The following NME7 variants were observed in gnomAD, a reference collection of about 807,000 sequenced individuals.
NME7 encodes the protein nucleoside diphosphate kinase 7.
In NME7, 41 loss-of-function variants were observed where a neutral mutation model predicts 49.1. That is an observed-to-expected ratio of 0.83 (90% confidence interval 0.65 to 1.08). The LOEUF is 1.08. Among genes scored for constraint, NME7 ranks in the 50% least tolerant of loss-of-function variants. The pLI, the probability that NME7 is intolerant of heterozygous loss-of-function variation, is 0.00. For synonymous variants in NME7, 139 were observed against 150.6 expected (o/e 0.92, Z 0.56); for missense variants, 423 against 463.4 (o/e 0.91, Z 0.80).
At chr1:169,147,053 G>A (rs1658776961) in intron 11 of NME7, among the ~76,000 whole-genome samples, 1 of 152,182 alleles carries the variant, frequency 6.6e-6, no homozygotes, top group Admixed American at 6.5e-5. Context: ...AGGGGCACGT[G>A]ACCTTCTCTC....
intron 10 of NME7, among the ~76,000 whole-genome samples, chr1:169,213,677 A>C (rs1660893474): frequency 6.6e-6 from 1 of 151,970 alleles, no homozygotes; most frequent in Non-Finnish European, 1.5e-5. Flanking sequence ...GAACTGAAAA[A>C]TTTTCCTGGT....
chr1:169,250,048 G>T (rs927485492), intron 7 of NME7, among the ~76,000 whole-genome samples: 1 of 151,996 alleles, frequency 6.6e-6, no homozygotes, highest in African/African-American at 2.4e-5. Context: ...AGTAGGATTG[G>T]TCCCAGTTCT....
At chr1:169,348,116 A>G (rs1043740293) in intron 1 of NME7, among the ~76,000 whole-genome samples, 1 of 152,210 alleles carries the variant, frequency 6.6e-6, no homozygotes, top group African/African-American at 2.4e-5. Context: ...TACAGACTTA[A>G]GTGGCTGTAA....
chr1:169,180,232 C>T (rs1659885957), intron 10 of NME7, among the ~76,000 whole-genome samples: 1 of 152,136 alleles, frequency 6.6e-6, no homozygotes, highest in South Asian at 2.1e-4. Flanking sequence ...AAACTGGAGG[C>T]ATTTAGTAGA....
chr1:169,232,695 C>A (rs12126266), intron 9 of NME7, among the ~76,000 whole-genome samples: 2 of 151,200 alleles, frequency 1.3e-5, no homozygotes, highest in African/African-American at 4.9e-5. Flanking sequence ...AAAAGGAAGA[C>A]GTTTTAAGAC....
chr1:169,300,001 T>C (rs1650878717), intron 5 of NME7, among the ~76,000 whole-genome samples: 1 of 152,098 alleles, frequency 6.6e-6, no homozygotes, highest in Non-Finnish European at 1.5e-5. Flanking sequence ...AACGCCCTAT[T>C]AATACAAAAT....
Position 169,310,012 on chromosome 1 carries a change from G to A in NME7, c.347C>T (p.Ala116Val), listed in dbSNP as rs773613662. The change falls in exon 4 of 12, where the codon GCT becomes GTT. Residue 116 changes from alanine to valine, a missense_variant. Physicochemically the swap from Ala to Val is moderately conservative, Grantham distance 64. Transcript: ENST00000367811. ...TTTGAGTTTGGTTATAGTAAATCCA[G>A]CTTTGTTTATTATTTCAATTATTTC... ...AGEIIEIINK[A>V]GFTITKLKMM... 5 of 1,606,020 alleles carry A rather than the reference G, an allele frequency of 3.1e-6. No homozygotes were observed. Among genetic ancestry groups the A allele is most frequent in the South Asian group, 2.2e-5 (2 of 89,744 alleles).
chr1:169,303,023 C>G, intron 5 of NME7, 122 bp downstream of exon 5: 1 of 572,710 alleles, frequency 1.7e-6, no homozygotes, highest in Non-Finnish European at 3.1e-6. Flanking sequence ...TGTGCAGTTG[C>G]AAGATGTTGC....
chr1:169,149,653 T>C (rs1052521469), intron 11 of NME7, among the ~76,000 whole-genome samples: 1 of 152,246 alleles, frequency 6.6e-6, no homozygotes. Context: ...ATTACAGTTA[T>C]GTTGTGAATG....
intron 10 of NME7, among the ~76,000 whole-genome samples, chr1:169,210,159 A>G (rs1454921681): frequency 2.0e-5 from 3 of 152,170 alleles, no homozygotes; most frequent in Non-Finnish European, 4.4e-5. Context: ...TCAATCTAAC[A>G]AAAATGGAGG....
intron 1 of NME7, among the ~76,000 whole-genome samples, chr1:169,335,791 TATATATATATAC>T (rs1652441474): frequency 1.4e-5 from 2 of 147,622 alleles, no homozygotes; most frequent in East Asian, 3.9e-4. Context: ...TCAGAAGAGA[TATATATATATAC>T]ATATATATAG....
At chr1:169,279,512 C>T (rs1324482404) in intron 7 of NME7, among the ~76,000 whole-genome samples, 4 of 152,234 alleles carry the variant, frequency 2.6e-5, no homozygotes, top group Non-Finnish European at 4.4e-5. Flanking sequence ...ATATGACCTT[C>T]TGGTGCGCCA....
intron 1 of NME7, among the ~76,000 whole-genome samples, chr1:169,338,020 C>T (rs1054268323): frequency 2.0e-5 from 3 of 152,130 alleles, no homozygotes; most frequent in African/African-American, 7.2e-5. Context: ...TAAAAAGGGT[C>T]TTCACGTGTG....
chr1:169,170,209 T>C (rs147150536), intron 10 of NME7, among the ~76,000 whole-genome samples: 64 of 152,234 alleles, frequency 4.2e-4, no homozygotes, highest in African/African-American at 1.4e-3. Context: ...GAGGGGGCTA[T>C]AGTGATTGAT....
At chr1:169,149,153 T>A (rs148129551) in intron 11 of NME7, among the ~76,000 whole-genome samples, 2,602 of 152,236 alleles carry the variant, frequency 0.017, 70 homozygotes, top group African/African-American at 0.057. Flanking sequence ...CCAGCCTGGC[T>A]AACATGGTGA....
At chr1:169,336,932 G>A (rs530828572) in intron 1 of NME7, among the ~76,000 whole-genome samples, 4 of 152,270 alleles carry the variant, frequency 2.6e-5, no homozygotes, top group South Asian at 4.1e-4. Context: ...ACAGAGTGCC[G>A]ATTGGTGTAT....
chr1:169,254,870 G>A (rs1166449935), intron 7 of NME7, among the ~76,000 whole-genome samples: 5 of 128,942 alleles, frequency 3.9e-5, no homozygotes, highest in Non-Finnish European at 7.0e-5. Flanking sequence ...GTAGTTGAGC[G>A]GTTTTGAGTG....
At chr1:169,314,487 T>C (rs967555723) in intron 3 of NME7, among the ~76,000 whole-genome samples, 1 of 151,376 alleles carries the variant, frequency 6.6e-6, no homozygotes, top group Admixed American at 6.6e-5. Context: ...ATCCGAACAA[T>C]CAAAAATAAG....
rs558778736 is a variant in NME7, at chr1:169,252,755, G to C, written c.755-15068C>G. ...ATTTTTGTATAAGGTGTAAGGAAGG[G>C]ATCCAGTTTCAGCTTTCTACATATG... On this transcript the variant is annotated intron_variant, in intron 7 of 11. Transcript: ENST00000367811. Among the ~76,000 whole-genome samples the C allele has an allele frequency of 1.6e-4, 24 of 148,116 alleles. No homozygotes were observed. In the South Asian group the frequency reaches 3.3e-3, roughly 20 times the overall value.
Sources: gnomAD v4.1 joint callset for allele counts (sites outside exome capture counted in the v4.1 genomes callset) on GRCh38, gnomAD v4.1.1 for gene constraint, MANE v1.5 for transcripts, NCBI Gene and HGNC (gene_info 2026-07-23, HGNC 2026-07-21) for gene names.